Variants in C9orf40 observed in about 807,000 individuals in gnomAD.
C9orf40 encodes the protein uncharacterized protein C9orf40.
In C9orf40, 2 loss-of-function variants were observed where a neutral mutation model predicts 7.9. The observed-to-expected ratio is 0.25, with a 90% CI of 0.10 to 0.80. C9orf40 has a LOEUF of 0.80. C9orf40 is among the 30% of genes least tolerant of loss of function. C9orf40 has a pLI of 0.68. For missense variants in C9orf40, 256 were observed against 268.5 expected (o/e 0.95, Z 0.33); for synonymous variants, 113 against 117.6 (o/e 0.96, Z 0.25).
At position 74,947,795 on chromosome 9, in the gene C9orf40, T is replaced by G. The variant is rs959201030; in HGVS notation, c.*253A>C. The G allele has an allele frequency of 2.4e-5, 7 of 291,412 alleles. No homozygotes were observed. Among genetic ancestry groups the G allele is most frequent in the Non-Finnish European group, 4.4e-5 (7 of 159,426 alleles). The allele number at this position is 291,412 out of a possible 1,614,324, so 18.1% of individuals were successfully genotyped here. A position where few individuals can be genotyped will look rare whatever the true frequency, so the allele number is the denominator to read the frequency against. ...AGATCAGTACCTTCAATTCTAGAAT[T>G]TAAACAAAACTTTTTGCTCTAAGAA... On this transcript the variant is annotated 3_prime_UTR_variant, in exon 2 of 2. Coordinates refer to ENST00000376854, the MANE Select transcript of C9orf40 (RefSeq NM_017998.3).
chr9:74,952,163 GCCCACCC>G lies in C9orf40; in HGVS notation c.426+16_426+22del. ...AAAAGGCAAGCCCCTTCGCCCCTCA[GCCCACCC>G]GCCCCCAGCCCCTACCTGGCGCGAT... On this transcript the variant is annotated intron_variant, in intron 1 of 1. Transcript: ENST00000376854. The surrounding 1 kb of genome is among the most constrained non-coding windows in gnomAD (Gnocchi z 5.4). The G allele has an allele frequency of 1.5e-4, 54 of 351,648 alleles. No homozygotes were observed. The highest frequency in any genetic ancestry group is 8.8e-4 in the Middle Eastern group (1 of 1,140). The allele number at this position is 351,648 out of a possible 1,614,324, so 21.8% of individuals were successfully genotyped here. A position where few individuals can be genotyped will look rare whatever the true frequency, so the allele number is the denominator to read the frequency against.
intron 1 of C9orf40, 79 bp from the exon 2 acceptor site, chr9:74,948,285 T>C (rs1832263489): frequency 4.1e-6 from 4 of 977,962 alleles, no homozygotes; most frequent in East Asian, 2.5e-5. Context: ...AAATTTGTTT[T>C]AAAGGCAAAC....
chr9:74,952,572 C>A lies in C9orf40; in HGVS notation c.40G>T (p.Val14Leu), dbSNP rs1832316781. The A allele has an allele frequency of 2.5e-6, 4 of 1,584,252 alleles. No homozygotes were observed. Among genetic ancestry groups the A allele is most frequent in the Non-Finnish European group, 3.4e-6 (4 of 1,174,742 alleles). Residue 14 changes from valine to leucine, a missense_variant, in exon 1 of 2, where the codon GTG (valine) becomes TTG (leucine). Val to Leu is a conservative substitution (Grantham distance 32). Coordinates refer to ENST00000376854, the MANE Select transcript of C9orf40 (RefSeq NM_017998.3). The surrounding 1 kb of genome is among the most constrained non-coding windows in gnomAD (Gnocchi z 5.4). ...RRAAEPVTFH[V>L]PWKRLLLCDF... is the part of the protein sequence containing the mutation. ...CAAAGCAGGAGCCGCTTCCAAGGCA[C>A]GTGGAACGTCACCGGCTCGGCCGCA...
chr9:74,949,633 G>T (rs1158573524), intron 1 of C9orf40, among the ~76,000 whole-genome samples: 1 of 152,154 alleles, frequency 6.6e-6, no homozygotes, highest in Non-Finnish European at 1.5e-5. Flanking sequence ...TGAGGGCTGG[G>T]ACTTAAGCCC....
Position 74,952,621 on chromosome 9 carries a change from G to A in C9orf40, c.-10C>T, listed in dbSNP as rs1832317759. ...CACGCCGCTTGGCCATGGGCCCAGA[G>A]GCTCGGGCGGAGCCCGCCAGGCGCG... is the stretch of plus-strand genomic sequence containing the variant. On this transcript the variant is annotated 5_prime_UTR_variant, in exon 1 of 2. Coordinates refer to ENST00000376854, the MANE Select transcript of C9orf40 (RefSeq NM_017998.3). The surrounding 1 kb of genome is among the most constrained non-coding windows in gnomAD (Gnocchi z 5.4). 6 of 1,543,772 alleles carry A rather than the reference G, an allele frequency of 3.9e-6. No individual in the cohort carries two copies. The Admixed American group carries it at 5.8e-5, about 15-fold the overall frequency.
chr9:74,952,689 C>T lies in C9orf40; in HGVS notation c.-78G>A. Reference sequence around the variant, plus strand: ...AGCTGCGGGGGGCGAAGAGCGAGGACTGAGCGCGTGAGAGAGGGACAGGCC... The same window carrying T: ...AGCTGCGGGGGGCGAAGAGCGAGGATTGAGCGCGTGAGAGAGGGACAGGCC... On this transcript the variant is annotated 5_prime_UTR_variant, in exon 1 of 2. Transcript: ENST00000376854. This position sits in a 1 kb window ranked among gnomAD's most constrained non-coding sequence, Gnocchi z 5.4. The T allele has an allele frequency of 7.3e-7, 1 of 1,360,952 alleles. No homozygotes were observed. The highest frequency in any genetic ancestry group is 1.4e-5 in the South Asian group (1 of 72,138). 84.3% of individuals were successfully genotyped at this position (1,360,952 alleles called of 1,614,324 possible).
At chr9:74,950,336 A>AT (rs1832283022) in intron 1 of C9orf40, among the ~76,000 whole-genome samples, 1 of 152,208 alleles carries the variant, frequency 6.6e-6, no homozygotes, top group Non-Finnish European at 1.5e-5. Flanking sequence ...TGCCATTTCC[A>AT]TATTTCCCTC....
In C9orf40 at chr9:74,952,746, A is replaced by AG. The variant is rs1156982659; in HGVS notation, c.-136dup. ...GGGCGAGGAGGCGACAGGACGCTGG[A>AG]GGGGGTAGGGCGGGGCAGCTCGCGC... On this transcript the variant is annotated 5_prime_UTR_variant, in exon 1 of 2. Coordinates refer to ENST00000376854, the MANE Select transcript of C9orf40 (RefSeq NM_017998.3). This position sits in a 1 kb window ranked among gnomAD's most constrained non-coding sequence, Gnocchi z 5.4. The AG allele has an allele frequency of 6.3e-6, 5 of 793,186 alleles. No individual in the cohort carries two copies. Among genetic ancestry groups the AG allele is most frequent in the African/African-American group, 5.5e-5 (3 of 54,650 alleles). The allele number at this position is 793,186 out of a possible 1,614,324, so 49.1% of individuals were successfully genotyped here.
intron 1 of C9orf40, among the ~76,000 whole-genome samples, chr9:74,949,926 C>T (rs971670167): frequency 2.6e-5 from 4 of 151,764 alleles, no homozygotes; most frequent in African/African-American, 7.3e-5. Context: ...ATTTGGTAGG[C>T]AGAGGCGGGA....
chr9:74,951,196 C>T (rs1832290624), intron 1 of C9orf40, among the ~76,000 whole-genome samples: 1 of 152,208 alleles, frequency 6.6e-6, no homozygotes, highest in Non-Finnish European at 1.5e-5. Flanking sequence ...AGGATTCTTA[C>T]ATGCAGAGAT....
Position 74,952,160 on chromosome 9 carries a change from T to G in C9orf40, c.426+26A>C, listed in dbSNP as rs1238563044. ...GGGAAAAGGCAAGCCCCTTCGCCCC[T>G]CAGCCCACCCGCCCCCAGCCCCTAC... On this transcript the variant is annotated intron_variant, in intron 1 of 1. Coordinates refer to ENST00000376854, the MANE Select transcript of C9orf40 (RefSeq NM_017998.3). The surrounding 1 kb of genome is among the most constrained non-coding windows in gnomAD (Gnocchi z 5.4). The G allele has an allele frequency of 1.3e-4, 34 of 268,946 alleles. No individual in the cohort carries two copies. The highest frequency in any genetic ancestry group is 2.9e-4 in the East Asian group (4 of 13,882). The allele number at this position is 268,946 out of a possible 1,614,324, so 16.7% of individuals were successfully genotyped here. A position where few individuals can be genotyped will look rare whatever the true frequency, so the allele number is the denominator to read the frequency against.
rs1463774357 is a variant in C9orf40, at chr9:74,952,405, C to T, written c.207G>A (p.Ser69=). The change falls in exon 1 of 2, where the codon TCG becomes TCA. Residue 69 remains serine, a synonymous_variant. Coordinates refer to ENST00000376854, the MANE Select transcript of C9orf40 (RefSeq NM_017998.3). The surrounding 1 kb of genome is among the most constrained non-coding windows in gnomAD (Gnocchi z 5.4). ...DAGTMAEPSA[S]PSKRRDSGDN... is the part of the protein sequence containing the mutation. The stretch of plus-strand genomic sequence containing the variant: ...CCCCGCTGTCACGGCGCTTGCTGGG[C>T]GAAGCCGAGGGCTCTGCCATGGTCC... 2 of 1,584,600 alleles carry T rather than the reference C, an allele frequency of 1.3e-6. No homozygotes were observed. The highest frequency in any genetic ancestry group is 1.1e-5 in the South Asian group (1 of 87,794).
Position 74,952,465 on chromosome 9 carries a change from G to A in C9orf40, c.147C>T (p.Val49=). Residue 49 remains valine, a synonymous_variant, in exon 1 of 2, where the codon GTC becomes GTT. Coordinates refer to ENST00000376854, the MANE Select transcript of C9orf40 (RefSeq NM_017998.3). The surrounding 1 kb of genome is among the most constrained non-coding windows in gnomAD (Gnocchi z 5.4). ...TTTTGCGCTTTCGGTGCTGCTCTGGGACGCCGAGGAGCTGCCCAGCATGCG... is the reference window on the plus strand; with the variant it reads ...TTTTGCGCTTTCGGTGCTGCTCTGGAACGCCGAGGAGCTGCCCAGCATGCG... ...GVAHAGQLLG[V]PEQHRKRKID... is the part of the protein sequence containing the mutation. 1 of 1,599,888 alleles carries A rather than the reference G, an allele frequency of 6.3e-7. No individual in the cohort carries two copies. The highest frequency in any genetic ancestry group is 8.5e-7 in the Non-Finnish European group (1 of 1,178,582).
rs1198399136 is a variant in C9orf40 at position 74,952,586 on chromosome 9, G to C, written c.26C>G (p.Pro9Arg). The C allele has an allele frequency of 6.4e-7, 1 of 1,574,288 alleles. No homozygotes were observed. Among genetic ancestry groups the C allele is most frequent in the Admixed American group, 1.8e-5 (1 of 57,024 alleles). ...CTTCCAAGGCACGTGGAACGTCACC[G>C]GCTCGGCCGCACGCCGCTTGGCCAT... MAKRRAAE[P>R]VTFHVPWKRL... Residue 9 changes from proline to arginine, a missense_variant, in exon 1 of 2, where the codon CCG becomes CGG. Pro to Arg is a moderately radical substitution (Grantham distance 103). Transcript: ENST00000376854. The surrounding 1 kb of genome is among the most constrained non-coding windows in gnomAD (Gnocchi z 5.4).
chr9:74,952,161 C>G lies in C9orf40; in HGVS notation c.426+25G>C. On this transcript the variant is annotated intron_variant, in intron 1 of 1. Coordinates refer to ENST00000376854, the MANE Select transcript of C9orf40 (RefSeq NM_017998.3). The surrounding 1 kb of genome is among the most constrained non-coding windows in gnomAD (Gnocchi z 5.4). ...GGAAAAGGCAAGCCCCTTCGCCCCT[C>G]AGCCCACCCGCCCCCAGCCCCTACC... 2 of 400,000 alleles carry G rather than the reference C, an allele frequency of 5.0e-6. No individual in the cohort carries two copies. The highest frequency in any genetic ancestry group is 4.9e-5 in the Admixed American group (1 of 20,552). The allele number at this position is 400,000 out of a possible 1,614,324, so 24.8% of individuals were successfully genotyped here.
Position 74,952,097 on chromosome 9 carries a change from C to A in C9orf40, c.426+89G>T. 1 of 489,100 alleles carries A rather than the reference C, an allele frequency of 2.0e-6. No individual in the cohort carries two copies. The highest frequency in any genetic ancestry group is 3.3e-6 in the Non-Finnish European group (1 of 303,292). 30.3% of individuals were successfully genotyped at this position (489,100 alleles called of 1,614,324 possible). On this transcript the variant is annotated intron_variant, in intron 1 of 1. Transcript: ENST00000376854. This position sits in a 1 kb window ranked among gnomAD's most constrained non-coding sequence, Gnocchi z 5.4. ...ACCCCCTCAGGCGTCTTAACCTACA[C>A]AAGTCATGAGTGGGAACCGGGGCGT...
rs1238903288 is a variant in C9orf40, at chr9:74,947,570, T to C, written c.*478A>G. ...ATAGCTTTTACAACAATCCCGCCCA[T>C]CTTAAGTTTGCATAGATGTTCAAGT... On this transcript the variant is annotated 3_prime_UTR_variant, in exon 2 of 2. Coordinates refer to ENST00000376854, the MANE Select transcript of C9orf40 (RefSeq NM_017998.3). The C allele has an allele frequency of 6.5e-6, 1 of 152,808 alleles. No homozygotes were observed. Among genetic ancestry groups the C allele is most frequent in the Non-Finnish European group, 1.5e-5 (1 of 68,166 alleles). 9.5% of individuals were successfully genotyped at this position (152,808 alleles called of 1,614,324 possible).
intron 1 of C9orf40, among the ~76,000 whole-genome samples, chr9:74,948,989 C>A (rs1384255667): frequency 1.3e-5 from 2 of 152,130 alleles, no homozygotes; most frequent in East Asian, 3.8e-4. Flanking sequence ...AAAAAAAGGT[C>A]TTTTAATTAT....
chr9:74,950,125 A>G (rs1161705566), intron 1 of C9orf40, among the ~76,000 whole-genome samples: 2 of 152,240 alleles, frequency 1.3e-5, no homozygotes, highest in African/African-American at 4.8e-5. Context: ...CCTTTTTTAA[A>G]AAACAACAAA....
Sources: gnomAD v4.1 joint callset for allele counts (sites outside exome capture counted in the v4.1 genomes callset) on GRCh38, gnomAD v4.1.1 for gene constraint, Gnocchi (gnomAD v3.1) non-coding constraint, MANE v1.5 for transcripts, NCBI Gene and HGNC (gene_info 2026-07-23, HGNC 2026-07-21) for gene names.